Variants in POLR3B observed in about 807,000 individuals in gnomAD.
POLR3B encodes DNA-directed RNA polymerase III subunit RPC2.
Under a neutral mutation model 147.4 loss-of-function variants are expected in POLR3B, and 96 were observed. The ratio of observed to expected loss-of-function variants is 0.65; its 90% CI spans 0.55 to 0.77. The LOEUF (loss-of-function observed/expected upper bound fraction) is 0.77, where lower values mean the gene tolerates loss of function less well. Ranked by LOEUF, POLR3B falls within the 30% of genes least tolerant of loss-of-function variation. The pLI is 0.00. For synonymous variants in POLR3B, 461 were observed against 485.9 expected (o/e 0.95, Z 0.67); for missense variants, 1,036 against 1,413.5 (o/e 0.73, Z 4.28).
intron 9 of POLR3B, among the ~76,000 whole-genome samples, chr12:106,387,910 T>G (rs189304105): frequency 6.6e-6 from 1 of 152,312 alleles, no homozygotes; most frequent in East Asian, 1.9e-4. Flanking sequence ...CTTAGTTGTC[T>G]TTATGGTCAG....
At chr12:106,459,149 G>A in intron 21 of POLR3B, 102 bp from the exon 22 acceptor site, 1 of 760,640 alleles carries the variant, frequency 1.3e-6, no homozygotes, top group Non-Finnish European at 2.4e-6. Flanking sequence ...GCAGCCTCCT[G>A]AGTTGTTGGG....
intron 25 of POLR3B, among the ~76,000 whole-genome samples, chr12:106,497,953 T>C (rs1039039289): frequency 1.3e-5 from 2 of 152,170 alleles, no homozygotes; most frequent in Non-Finnish European, 2.9e-5. Context: ...GAATGTAACC[T>C]CCATGAAAGC....
chr12:106,433,909 T>C (rs1211819203), intron 16 of POLR3B, 37 bp downstream of exon 16: 1 of 1,533,562 alleles, frequency 6.5e-7, no homozygotes, highest in Admixed American at 1.7e-5. Flanking sequence ...TTTTTAAGAA[T>C]CTCTTTATAT....
intron 12 of POLR3B, among the ~76,000 whole-genome samples, chr12:106,420,549 T>A (rs1235968445): frequency 6.6e-6 from 1 of 152,176 alleles, no homozygotes; most frequent in Non-Finnish European, 1.5e-5. Flanking sequence ...TTTTGGACAC[T>A]CCCTAGTGCC....
At chr12:106,425,615 A>T (rs2037425132) in intron 12 of POLR3B, among the ~76,000 whole-genome samples, 1 of 152,108 alleles carries the variant, frequency 6.6e-6, no homozygotes, top group Non-Finnish European at 1.5e-5. Flanking sequence ...TTTCCAACAA[A>T]GGGGTCTTTC....
chr12:106,446,435 A>AG, intron 19 of POLR3B: 1 of 339,688 alleles, frequency 2.9e-6, no homozygotes, highest in East Asian at 7.7e-5. Flanking sequence ...AAAAAAAAAA[A>AG]GAAAAGAGAA....
chr12:106,358,143 G>A (rs545999873), intron 1 of POLR3B, 192 bp downstream of exon 1: 1 of 1,457,940 alleles, frequency 6.9e-7, no homozygotes. Flanking sequence ...AGTGAAGGCT[G>A]ATCCCAGAGG....
intron 9 of POLR3B, 61 bp downstream of exon 9, chr12:106,380,200 G>C: frequency 1.1e-6 from 1 of 939,716 alleles, no homozygotes. Context: ...ATTTACATAT[G>C]TAATTAGAGA....
At chr12:106,404,531 C>T (rs2037123629) in intron 10 of POLR3B, among the ~76,000 whole-genome samples, 1 of 151,894 alleles carries the variant, frequency 6.6e-6, no homozygotes, top group Non-Finnish European at 1.5e-5. Flanking sequence ...GATGTTGAGC[C>T]CTTATGTGTT....
chr12:106,440,673 G>A (rs2137012601), intron 18 of POLR3B, among the ~76,000 whole-genome samples: 1 of 151,026 alleles, frequency 6.6e-6, no homozygotes, highest in Non-Finnish European at 1.5e-5. Flanking sequence ...AGATTTTTCT[G>A]ACCACTCTAG....
intron 27 of POLR3B, among the ~76,000 whole-genome samples, chr12:106,508,132 C>T (rs2038718323): frequency 6.6e-6 from 1 of 152,170 alleles, no homozygotes; most frequent in African/African-American, 2.4e-5. Flanking sequence ...CCTTCCATTT[C>T]AATAAATGTG....
intron 22 of POLR3B, among the ~76,000 whole-genome samples, chr12:106,459,826 G>C (rs1012205339): frequency 1.3e-5 from 2 of 152,176 alleles, no homozygotes; most frequent in African/African-American, 4.8e-5. Flanking sequence ...TCTTACATGA[G>C]TAAAGCATTT....
At chr12:106,422,244 T>A (rs1425761445) in intron 12 of POLR3B, among the ~76,000 whole-genome samples, 1 of 152,048 alleles carries the variant, frequency 6.6e-6, no homozygotes, top group Non-Finnish European at 1.5e-5. Flanking sequence ...TCTCATGAGA[T>A]CTGGTTGCTT....
intron 22 of POLR3B, among the ~76,000 whole-genome samples, chr12:106,460,672 G>A (rs781516377): frequency 1.3e-5 from 2 of 152,092 alleles, no homozygotes; most frequent in African/African-American, 4.8e-5. Context: ...CTCTCTTCCC[G>A]TCTTGAAGGA....
intron 23 of POLR3B, chr12:106,495,810 G>T: frequency 1.6e-6 from 1 of 635,792 alleles, no homozygotes. Flanking sequence ...CAGCCCAACA[G>T]CACCATTGTG....
rs538183170 is a variant in POLR3B at position 106,496,071 on chromosome 12, C to T, written c.2730C>T (p.Ile910=). 9 of 1,609,212 alleles carry T rather than the reference C, an allele frequency of 5.6e-6. No homozygotes were observed. The Admixed American group carries it at 6.7e-5, about 12-fold the overall frequency. ...CTCCCCCAGGTGTTTGTGGCTTGAT[C>T]GTCCCCCAGGAAGACATGCCATTTT... ...RHGQKGVCGL[I]VPQEDMPFCD... is the part of the protein sequence containing the mutation. Residue 910 remains isoleucine, a synonymous_variant, in exon 24 of 28, where the codon ATC becomes ATT. Coordinates refer to ENST00000228347, the MANE Select transcript of POLR3B (RefSeq NM_018082.6).
In POLR3B at chr12:106,457,145, G is replaced by C; in HGVS notation, c.2301G>C (p.Gly767=). ...ATCTTGGTTTCATTTTAGGCTTTGGGCGTTGCCTTGTATATAAAAATGCTA... is the reference window on the plus strand; with the variant it reads ...ATCTTGGTTTCATTTTAGGCTTTGGCCGTTGCCTTGTATATAAAAATGCTA... ...LNKASLDRGF[G]RCLVYKNAKC... Residue 767 remains glycine (G), a synonymous_variant, in exon 21 of 28, where the codon GGG becomes GGC. Coordinates refer to ENST00000228347, the MANE Select transcript of POLR3B (RefSeq NM_018082.6). 1 of 1,613,032 alleles carries C rather than the reference G, an allele frequency of 6.2e-7. No homozygotes were observed. The highest frequency in any genetic ancestry group is 8.5e-7 in the Non-Finnish European group (1 of 1,179,278).
At chr12:106,406,858 CTAAA>C (rs1392794552) in intron 11 of POLR3B, among the ~76,000 whole-genome samples, 1 of 152,118 alleles carries the variant, frequency 6.6e-6, no homozygotes, top group Non-Finnish European at 1.5e-5. Flanking sequence ...ATCTTGTTAA[CTAAA>C]TAGTCTGGTT....
intron 19 of POLR3B, among the ~76,000 whole-genome samples, chr12:106,448,354 C>T (rs1258739899): frequency 2.8e-5 from 4 of 143,590 alleles, no homozygotes; most frequent in Non-Finnish European, 4.5e-5. Context: ...TTTATTATTA[C>T]TAATATTGTT....
Sources: allele counts gnomAD v4.1 joint callset (sites outside exome capture counted in the v4.1 genomes callset), GRCh38; gene constraint gnomAD v4.1.1; transcripts MANE v1.5; gene names NCBI Gene and HGNC (gene_info 2026-07-23, HGNC 2026-07-21).